The following TTLL5 variants were observed in gnomAD, a reference collection of about 807,000 sequenced individuals.
TTLL5 encodes the protein tubulin tyrosine ligase like 5, also known as tubulin polyglutamylase TTLL5.
Under a neutral mutation model 168.4 loss-of-function variants are expected in TTLL5, and 132 were observed. The ratio of observed to expected loss-of-function variants is 0.78; its 90% CI spans 0.68 to 0.91. The LOEUF is 0.91. Among genes scored for constraint, TTLL5 ranks in the 40% least tolerant of loss-of-function variants. The pLI, the probability that TTLL5 is intolerant of heterozygous loss-of-function variation, is 0.00. For missense variants in TTLL5, 1,545 were observed against 1,581.5 expected (o/e 0.98, Z 0.39); for synonymous variants, 546 against 558.6 (o/e 0.98, Z 0.32).
At chr14:75,723,398 A>G (rs934368592) in intron 12 of TTLL5, among the ~76,000 whole-genome samples, 3 of 152,158 alleles carry the variant, frequency 2.0e-5, no homozygotes, top group Non-Finnish European at 2.9e-5. Context: ...AACTCTTAGA[A>G]TTATTGCAGA....
chr14:75,762,703 T>C (rs1890727976), intron 18 of TTLL5, among the ~76,000 whole-genome samples: 2 of 152,214 alleles, frequency 1.3e-5, no homozygotes, highest in African/African-American at 4.8e-5. Flanking sequence ...TTAGTTGTTA[T>C]TTTAAAATAT....
chr14:75,863,827 C>A lies in TTLL5; in HGVS notation c.3487C>A (p.Arg1163=), dbSNP rs199613904. 2 of 1,606,516 alleles carry A rather than the reference C, an allele frequency of 1.2e-6. No individual in the cohort carries two copies. The highest frequency in any genetic ancestry group is 1.1e-5 in the South Asian group (1 of 90,808). Reference sequence around the variant, plus strand: ...ACTTGAACAACAAAAACTTCAGTCCCGGCAGCTCCTGGACCAGAGTCGAGC... The same window carrying A: ...ACTTGAACAACAAAAACTTCAGTCCAGGCAGCTCCTGGACCAGAGTCGAGC... ...QQLEQQKLQS[R]QLLDQSRARH... Residue 1163 remains arginine (R), a synonymous_variant, in exon 29 of 32, where the codon CGG becomes AGG. Transcript: ENST00000298832.
At chr14:75,692,362 T>C (rs185090244) in intron 6 of TTLL5, among the ~76,000 whole-genome samples, 16 of 152,320 alleles carry the variant, frequency 1.1e-4, no homozygotes, top group Non-Finnish European at 1.0e-4. Flanking sequence ...TATTTTATTT[T>C]TGTATGTTTT....
At chr14:75,854,132 C>G (rs754585904) in intron 28 of TTLL5, among the ~76,000 whole-genome samples, 1 of 152,132 alleles carries the variant, frequency 6.6e-6, no homozygotes, top group Non-Finnish European at 1.5e-5. Flanking sequence ...AACCACCATG[C>G]AACACAACAT....
At chr14:75,724,075 T>G (rs1888024866) in intron 12 of TTLL5, among the ~76,000 whole-genome samples, 1 of 152,096 alleles carries the variant, frequency 6.6e-6, no homozygotes, top group Admixed American at 6.5e-5. Flanking sequence ...CCCAGAAGAT[T>G]TTGGCTCAAA....
intron 5 of TTLL5, among the ~76,000 whole-genome samples, chr14:75,687,930 C>T (rs144932192): frequency 0.044 from 6,755 of 152,204 alleles, 169 homozygotes; most frequent in Middle Eastern, 0.095. Context: ...AGCCAGAAAA[C>T]ACCAAGTGTG....
At chr14:75,851,592 A>C (rs931617681) in intron 28 of TTLL5, among the ~76,000 whole-genome samples, 1 of 152,160 alleles carries the variant, frequency 6.6e-6, no homozygotes, top group African/African-American at 2.4e-5. Flanking sequence ...CCAGAATTAG[A>C]GCATTCTGCA....
At chr14:75,722,707 C>T (rs1056459555) in intron 12 of TTLL5, among the ~76,000 whole-genome samples, 3 of 151,754 alleles carry the variant, frequency 2.0e-5, no homozygotes, top group Admixed American at 2.0e-4. Flanking sequence ...AGTGCAATGG[C>T]GCAATCGTAT....
intron 28 of TTLL5, among the ~76,000 whole-genome samples, chr14:75,863,210 T>TGG (rs1240599395): frequency 6.6e-6 from 1 of 152,204 alleles, no homozygotes; most frequent in Non-Finnish European, 1.5e-5. Flanking sequence ...ATTTAACTGA[T>TGG]GGGTGGTTGA....
At chr14:75,904,976 C>T (rs2033087261) in intron 31 of TTLL5, among the ~76,000 whole-genome samples, 1 of 152,178 alleles carries the variant, frequency 6.6e-6, no homozygotes, top group Non-Finnish European at 1.5e-5. Flanking sequence ...CTGCCAGGCA[C>T]ACCAACATTT....
At chr14:75,813,232 CA>C (rs1440747659) in intron 27 of TTLL5, among the ~76,000 whole-genome samples, 1 of 135,770 alleles carries the variant, frequency 7.4e-6, no homozygotes, top group Non-Finnish European at 1.5e-5. Flanking sequence ...GTGTTTCAGA[CA>C]GGGTCTTGCT....
intron 1 of TTLL5, among the ~76,000 whole-genome samples, chr14:75,662,765 TC>T (rs1322911627): frequency 6.6e-6 from 1 of 152,190 alleles, no homozygotes; most frequent in African/African-American, 2.4e-5. Context: ...GAGGAGTCTA[TC>T]CTTTTGGTGC....
chr14:75,902,055 C>A, intron 30 of TTLL5, 87 bp from the exon 31 acceptor site: 1 of 1,129,702 alleles, frequency 8.9e-7, no homozygotes, highest in Non-Finnish European at 1.3e-6. Flanking sequence ...GAAGCAGCAC[C>A]AAGAGCAAGA....
chr14:75,783,670 A>G (rs775210694), intron 26 of TTLL5, 140 bp downstream of exon 26: 284 of 1,227,188 alleles, frequency 2.3e-4, no homozygotes, highest in Non-Finnish European at 3.0e-4. Context: ...TGACGTGACT[A>G]AAGAAGACTT....
chr14:75,791,958 G>A (rs554761677), intron 26 of TTLL5, among the ~76,000 whole-genome samples: 68 of 151,854 alleles, frequency 4.5e-4, no homozygotes, highest in Middle Eastern at 6.8e-3. Context: ...ACACAGGCTG[G>A]AGTGCAGTGG....
rs1594918954 is a variant in TTLL5 at position 75,717,808 on chromosome 14, T to C, written c.741-53T>C. 13 of 1,533,128 alleles carry C rather than the reference T, an allele frequency of 8.5e-6. No individual in the cohort carries two copies. In the East Asian group the frequency reaches 2.7e-4, roughly 32 times the overall value. The allele number at this position is 1,533,128 out of a possible 1,614,324, so 95.0% of individuals were successfully genotyped here. ...ATCTCATTGATCCTCAGTTCCAGCC[T>C]GTATTTCCTTGAAACTCTGTTCCTG... is the stretch of plus-strand genomic sequence containing the variant. On this transcript the variant is annotated intron_variant, in intron 9 of 31. Transcript: ENST00000298832.
intron 29 of TTLL5, among the ~76,000 whole-genome samples, chr14:75,864,327 C>A (rs1043302567): frequency 2.6e-5 from 4 of 152,162 alleles, no homozygotes; most frequent in Non-Finnish European, 5.9e-5. Flanking sequence ...GCAAGTTCTT[C>A]TGGTGGGAAA....
In TTLL5 at chr14:75,745,173, T is replaced by C. The variant is rs1379918242; in HGVS notation, c.1360T>C (p.Leu454=). Residue 454 remains leucine (L), a synonymous_variant, in exon 16 of 32, where the codon TTG becomes CTG. Coordinates refer to ENST00000298832, the MANE Select transcript of TTLL5 (RefSeq NM_015072.5). ...AGCCCGGGAGAAAGGGCCAGGGAAG[T>C]TGGGTGGTTCTGTGCTTGGTCTGTC... ...GSAREKGPGK[L]GGSVLGLSME... is the part of the protein sequence containing the mutation. 1 of 1,613,544 alleles carries C rather than the reference T, an allele frequency of 6.2e-7. No homozygotes were observed. Among genetic ancestry groups the C allele is most frequent in the East Asian group, 2.2e-5 (1 of 44,870 alleles).
At chr14:75,952,892 A>G (rs1187739916) in intron 31 of TTLL5, among the ~76,000 whole-genome samples, 3 of 152,200 alleles carry the variant, frequency 2.0e-5, no homozygotes, top group Non-Finnish European at 2.9e-5. Flanking sequence ...GCGAAGAAGT[A>G]TGGGGTTTAT....
Sources: allele counts gnomAD v4.1 joint callset (sites outside exome capture counted in the v4.1 genomes callset), GRCh38; gene constraint gnomAD v4.1.1; transcripts MANE v1.5; gene names NCBI Gene and HGNC (gene_info 2026-07-23, HGNC 2026-07-21).